The following ATN1 variants were observed in gnomAD, a reference collection of about 807,000 sequenced individuals.
The protein encoded by ATN1 is atrophin 1, also known as atrophin-1.
Under a neutral mutation model 85.8 loss-of-function variants are expected in ATN1, and 19 were observed. The ratio of observed to expected loss-of-function variants is 0.22; its 90% CI spans 0.15 to 0.32. ATN1 has a LOEUF of 0.32. ATN1 is among the 10% of genes least tolerant of loss of function. The pLI is 1.00. For synonymous variants in ATN1, 674 were observed against 657.0 expected (o/e 1.03, Z -0.39); for missense variants, 1,453 against 1,564.5 (o/e 0.93, Z 1.20).
Position 6,935,557 on chromosome 12 carries a change from C to T in ATN1, c.290C>T (p.Pro97Leu), listed in dbSNP as rs781839521. 6.2e-6 allele frequency: 10 copies of T among 1,609,676 alleles called. No individual in the cohort carries two copies. The highest frequency in any genetic ancestry group is 8.5e-6 in the Non-Finnish European group (10 of 1,176,486). The change falls in exon 5 of 10, where the codon CCT becomes CTT. Residue 97 changes from proline (P) to leucine (L), a missense_variant. Physicochemically the swap from Pro to Leu is moderately conservative, Grantham distance 98 (BLOSUM62 -3). This residue lies in a region of ATN1 where 130 missense variants were observed against 158.2 expected (regional missense o/e 0.82). Transcript: ENST00000396684. The surrounding 1 kb of genome is among the most constrained non-coding windows in gnomAD (Gnocchi z 5.3). ...TTCCCTTTTCTACAGCAGGAACTCC[C>T]TCGGCCACAGTCTCCCTCCGATCTG... ...PKKTKTEQEL[P>L]RPQSPSDLDS...
chr12:6,936,747 C>G lies in ATN1; in HGVS notation c.1480C>G (p.Gln494Glu). The change falls in exon 5 of 10, where the codon CAG becomes GAG. Residue 494 changes from glutamine to glutamate, a missense_variant. Gln to Glu is a conservative substitution (Grantham distance 29, BLOSUM62 2). Around this residue, in one of 6 missense-constraint regions of ATN1, gnomAD observed 990 missense variants for 914.8 expected, o/e 1.08. Coordinates refer to ENST00000396684, the MANE Select transcript of ATN1 (RefSeq NM_001940.4). ...QQQQQQQQQQ[Q>E]QQQQQQQQHH... ...ACAGCAACAGCAGCAGCAGCAGCAG[C>G]AGCAGCAGCAGCAGCAGCAGCAGCA... 1 of 1,244,828 alleles carries G rather than the reference C, an allele frequency of 8.0e-7. No homozygotes were observed. Among genetic ancestry groups the G allele is most frequent in the Non-Finnish European group, 1.1e-6 (1 of 898,882 alleles). The allele number at this position is 1,244,828 out of a possible 1,614,324, so 77.1% of individuals were successfully genotyped here. A position where few individuals can be genotyped will look rare whatever the true frequency, so the allele number is the denominator to read the frequency against.
chr12:6,941,156 G>C lies in ATN1; in HGVS notation c.3358+133G>C. On this transcript the variant is annotated intron_variant, in intron 8 of 9. Coordinates refer to ENST00000396684, the MANE Select transcript of ATN1 (RefSeq NM_001940.4). This position sits in a 1 kb window ranked among gnomAD's most constrained non-coding sequence, Gnocchi z 5.9. ...CTAGAGGAGCTGGGCATGGGAATAGGAGAGCTGGAGCTCTGCCCAAGAGAA... is the reference window on the plus strand; with the variant it reads ...CTAGAGGAGCTGGGCATGGGAATAGCAGAGCTGGAGCTCTGCCCAAGAGAA... The C allele has an allele frequency of 7.8e-7, 1 of 1,283,474 alleles. No homozygotes were observed. Among genetic ancestry groups the C allele is most frequent in the Non-Finnish European group, 1.1e-6 (1 of 943,796 alleles). The allele number at this position is 1,283,474 out of a possible 1,614,324, so 79.5% of individuals were successfully genotyped here.
chr12:6,930,567 G>A (rs1565563457), intron 1 of ATN1, among the ~76,000 whole-genome samples: 1 of 152,056 alleles, frequency 6.6e-6, no homozygotes, highest in African/African-American at 2.4e-5. Context: ...AGGCTGAGGC[G>A]GGCGGATCAC....
Position 6,937,534 on chromosome 12 carries a change from T to C in ATN1, c.2267T>C (p.Val756Ala). ...TCGCCCCCTCCCAAGGTGGTAGATGTACCCAGCCATGCCAGTCAGTCTGCC... is the reference window on the plus strand; with the variant it reads ...TCGCCCCCTCCCAAGGTGGTAGATGCACCCAGCCATGCCAGTCAGTCTGCC... ...SPSPPPKVVD[V>A]PSHASQSARF... Residue 756 changes from valine to alanine, a missense_variant, in exon 5 of 10, where the codon GTA (valine) becomes GCA (alanine). Coordinates refer to ENST00000396684, the MANE Select transcript of ATN1 (RefSeq NM_001940.4). The surrounding 1 kb of genome is among the most constrained non-coding windows in gnomAD (Gnocchi z 6.0). 3 of 1,523,722 alleles carry C rather than the reference T, an allele frequency of 2.0e-6. No homozygotes were observed. Among genetic ancestry groups the C allele is most frequent in the Non-Finnish European group, 2.6e-6 (3 of 1,136,002 alleles). The allele number at this position is 1,523,722 out of a possible 1,614,324, so 94.4% of individuals were successfully genotyped here.
chr12:6,927,917 G>A (rs782152318), upstream of ATN1, among the ~76,000 whole-genome samples: 1,710 of 151,170 alleles, frequency 0.011, 32 homozygotes, highest in African/African-American at 0.038. Context: ...GGGCTAGGAG[G>A]GGGGAGAGGG....
rs1467984902 is a variant in ATN1, at chr12:6,941,207, A to G, written c.3359-167A>G. Among the ~76,000 whole-genome samples, 1 of 152,144 alleles carries G rather than the reference A, an allele frequency of 6.6e-6. No individual in the cohort carries two copies. The highest frequency in any genetic ancestry group is 6.5e-5 in the Admixed American group (1 of 15,282). On this transcript the variant is annotated intron_variant, in intron 8 of 9. Transcript: ENST00000396684. The surrounding 1 kb of genome is among the most constrained non-coding windows in gnomAD (Gnocchi z 5.9). The stretch of plus-strand genomic sequence containing the variant: ...GCACGAGTTTTAGTGTCAGCCTAAG[A>G]GGTTCGAATCCCAATTCCACCCTAC...
At chr12:6,933,417 C>T (rs1945491150) in intron 1 of ATN1, among the ~76,000 whole-genome samples, 1 of 152,030 alleles carries the variant, frequency 6.6e-6, no homozygotes, top group African/African-American at 2.4e-5. Context: ...GTCTTGAACT[C>T]CTGACCTTGT....
chr12:6,940,117 G>A (rs782556275), intron 7 of ATN1, among the ~76,000 whole-genome samples: 2 of 152,216 alleles, frequency 1.3e-5, no homozygotes, highest in East Asian at 1.9e-4. Flanking sequence ...CTGCCTGCCC[G>A]AGTAGCTGGG....
At position 6,936,259 on chromosome 12, in the gene ATN1, C is replaced by A; in HGVS notation, c.992C>A (p.Ser331Tyr). 6.2e-7 allele frequency: 1 copy of A among 1,610,720 alleles called. No individual in the cohort carries two copies. Among genetic ancestry groups the A allele is most frequent in the Non-Finnish European group, 8.5e-7 (1 of 1,177,820 alleles). ...GAQPLPGHLP[S>Y]PHAMGQGMGG... ...CAACCACTACCTGGTCATCTGCCCT[C>A]TCCCCACGCCATGGGACAGGGTATG... The change falls in exon 5 of 10, where the codon TCT becomes TAT. Residue 331 changes from serine (S) to tyrosine (Y), a missense_variant. By Grantham distance (144) the Ser-to-Tyr change is moderately radical. Transcript: ENST00000396684.
At chr12:6,932,034 C>CAAAAAAAAAAA (rs34374667) in intron 1 of ATN1, among the ~76,000 whole-genome samples, 1 of 50,678 alleles carries the variant, frequency 2.0e-5, no homozygotes, top group Non-Finnish European at 3.8e-5. Context: ...AACTCTGTCT[C>CAAAAAAAAAAA]AAAAAAAAAA....
At position 6,938,084 on chromosome 12, in the gene ATN1, C is replaced by G; in HGVS notation, c.2517+17C>G. On this transcript the variant is annotated intron_variant, in intron 6 of 9. Coordinates refer to ENST00000396684, the MANE Select transcript of ATN1 (RefSeq NM_001940.4). ...CGCAGCGTGGTGAGTGCGTCACTGC[C>G]TGCGCCACCGCCTTCTTTCCCTCTT... is the stretch of plus-strand genomic sequence containing the variant. The G allele has an allele frequency of 6.5e-7, 1 of 1,533,378 alleles. No homozygotes were observed. The highest frequency in any genetic ancestry group is 8.8e-7 in the Non-Finnish European group (1 of 1,141,202). 95.0% of individuals were successfully genotyped at this position (1,533,378 alleles called of 1,614,324 possible).
Position 6,941,277 on chromosome 12 carries a change from T to A in ATN1, c.3359-97T>A. 6.9e-7 allele frequency: 1 copy of A among 1,441,218 alleles called. No individual in the cohort carries two copies. Among genetic ancestry groups the A allele is most frequent in the Non-Finnish European group, 9.4e-7 (1 of 1,067,546 alleles). The allele number at this position is 1,441,218 out of a possible 1,614,324, so 89.3% of individuals were successfully genotyped here. ...TGGGTGTGTTACCTCACTTTTTAGT[T>A]CATTACCTTTGTATGTAAAGGAGCT... On this transcript the variant is annotated intron_variant, in intron 8 of 9. Transcript: ENST00000396684. This position sits in a 1 kb window ranked among gnomAD's most constrained non-coding sequence, Gnocchi z 5.9.
Position 6,937,903 on chromosome 12 carries a change from G to A in ATN1, c.2353G>A (p.Val785Met). The change falls in exon 6 of 10, where the codon GTG becomes ATG. Residue 785 changes from valine (V) to methionine (M), a missense_variant. Coordinates refer to ENST00000396684, the MANE Select transcript of ATN1 (RefSeq NM_001940.4). The surrounding 1 kb of genome is among the most constrained non-coding windows in gnomAD (Gnocchi z 6.0). ...GTGCGCGCGCAGCGACCTGTACTTC[G>A]TGCCACTGGAGGGCTCCAAGCTGGC... The part of the protein sequence containing the change: ...NSCARSDLYF[V>M]PLEGSKLAKK... The A allele has an allele frequency of 6.3e-7, 1 of 1,597,470 alleles. No homozygotes were observed. Among genetic ancestry groups the A allele is most frequent in the Non-Finnish European group, 8.5e-7 (1 of 1,172,702 alleles).
chr12:6,931,834 G>T (rs1437802671), intron 1 of ATN1, among the ~76,000 whole-genome samples: 2 of 151,412 alleles, frequency 1.3e-5, no homozygotes, highest in Non-Finnish European at 2.9e-5. Flanking sequence ...AGTAGTTCGA[G>T]ACCACCCTGA....
chr12:6,937,479 G>C lies in ATN1; in HGVS notation c.2212G>C (p.Glu738Gln). 3 of 1,545,980 alleles carry C rather than the reference G, an allele frequency of 1.9e-6. No homozygotes were observed. The highest frequency in any genetic ancestry group is 2.6e-6 in the Non-Finnish European group (3 of 1,147,126). The change falls in exon 5 of 10, where the codon GAG (glutamate) becomes CAG (glutamine). Residue 738 changes from glutamate (E) to glutamine (Q), a missense_variant. Coordinates refer to ENST00000396684, the MANE Select transcript of ATN1 (RefSeq NM_001940.4). The surrounding 1 kb of genome is among the most constrained non-coding windows in gnomAD (Gnocchi z 6.0). Reference sequence around the variant, plus strand: ...GCCGGCTGAGGAGTATGAGACCCCCGAGAGCCCGGTGCCCCCAGCCCGCAG... The same window carrying C: ...GCCGGCTGAGGAGTATGAGACCCCCCAGAGCCCGGTGCCCCCAGCCCGCAG... ...QEPAEEYETP[E>Q]SPVPPARSPS...
At chr12:6,931,544 T>TC (rs782504541) in intron 1 of ATN1, among the ~76,000 whole-genome samples, 1 of 149,734 alleles carries the variant, frequency 6.7e-6, no homozygotes, top group Non-Finnish European at 1.5e-5. Context: ...TGAAACTCCG[T>TC]CTCTACTAAA....
rs1337509550 is a variant in ATN1 at position 6,938,783 on chromosome 12, A to G, written c.2820A>G (p.Arg940=). Residue 940 remains arginine (R), a synonymous_variant, in exon 7 of 10, where the codon CGA becomes CGG. Coordinates refer to ENST00000396684, the MANE Select transcript of ATN1 (RefSeq NM_001940.4). Reference sequence around the variant, plus strand: ...AGAGGGAACGGGAAGCCCGTGAACGAGACCTCCGTGACCGCCTCAAGCCTG... The same window carrying G: ...AGAGGGAACGGGAAGCCCGTGAACGGGACCTCCGTGACCGCCTCAAGCCTG... The part of the protein sequence containing the change: ...AREREREARE[R]DLRDRLKPGF... 1.2e-6 allele frequency: 2 copies of G among 1,613,996 alleles called. No individual in the cohort carries two copies. Among genetic ancestry groups the G allele is most frequent in the Non-Finnish European group, 1.7e-6 (2 of 1,180,034 alleles).
Position 6,941,654 on chromosome 12 carries a change from C to G in ATN1, c.3540-93C>G. On this transcript the variant is annotated intron_variant, in intron 9 of 9. Coordinates refer to ENST00000396684, the MANE Select transcript of ATN1 (RefSeq NM_001940.4). This position sits in a 1 kb window ranked among gnomAD's most constrained non-coding sequence, Gnocchi z 5.9. ...GGCACCGTGCTCCTGGGGGAGGGAA[C>G]CCCTCCTCTCCCAACCCCTTCGGTA... 1.3e-6 allele frequency: 2 copies of G among 1,578,716 alleles called. No homozygotes were observed. The highest frequency in any genetic ancestry group is 1.7e-6 in the Non-Finnish European group (2 of 1,148,664).
At position 6,936,013 on chromosome 12, in the gene ATN1, G is replaced by C. The variant is rs1945527276; in HGVS notation, c.746G>C (p.Gly249Ala). 6.3e-7 allele frequency: 1 copy of C among 1,586,494 alleles called. No individual in the cohort carries two copies. The highest frequency in any genetic ancestry group is 1.3e-5 in the African/African-American group (1 of 74,140). Residue 249 changes from glycine to alanine, a missense_variant, in exon 5 of 10, where the codon GGG becomes GCG. This residue lies in a region of ATN1 where 990 missense variants were observed against 914.8 expected (regional missense o/e 1.08). Transcript: ENST00000396684. ...GAASSVGGPN[G>A]GKQHPPPTTP... Reference sequence around the variant, plus strand: ...GCCTCATCAGTGGGGGGCCCTAATGGGGGTAAGCAGCACCCCCCACCCACT... The same window carrying C: ...GCCTCATCAGTGGGGGGCCCTAATGCGGGTAAGCAGCACCCCCCACCCACT...
Sources: allele counts gnomAD v4.1 joint callset (sites outside exome capture counted in the v4.1 genomes callset), GRCh38; gene constraint gnomAD v4.1.1; regional missense constraint gnomAD v4.1.1; non-coding constraint Gnocchi (gnomAD v3.1); transcripts MANE v1.5; gene names NCBI Gene and HGNC (gene_info 2026-07-23, HGNC 2026-07-21).